KCNH8: variants seen among roughly 807,000 people sequenced by gnomAD.
The protein encoded by KCNH8 is potassium voltage-gated channel subfamily H member 8, also known as voltage-gated delayed rectifier potassium channel KCNH8.
A neutral mutation model predicts 103.6 loss-of-function variants in KCNH8; 70 were observed. The observed-to-expected ratio is 0.68, with a 90% confidence interval of 0.56 to 0.82. The LOEUF (loss-of-function observed/expected upper bound fraction) is 0.82, where lower values mean the gene tolerates loss of function less well. KCNH8 is among the 40% of genes least tolerant of loss of function. The pLI, the probability that KCNH8 is intolerant of heterozygous loss-of-function variation, is 0.00. For synonymous variants in KCNH8, 498 were observed against 489.4 expected (o/e 1.02, Z -0.23); for missense variants, 1,217 against 1,329.9 (o/e 0.92, Z 1.32).
chr3:19,356,696 A>G (rs1389336467), intron 5 of KCNH8, among the ~76,000 whole-genome samples: 1 of 151,954 alleles, frequency 6.6e-6, no homozygotes, highest in African/African-American at 2.4e-5. Context: ...ACAGTTGGAG[A>G]ACTGTGCATT....
At chr3:19,497,269 TTTC>T (rs1223785129) in intron 11 of KCNH8, among the ~76,000 whole-genome samples, 1 of 152,320 alleles carries the variant, frequency 6.6e-6, no homozygotes, top group East Asian at 1.9e-4. Flanking sequence ...ATTTTGGTTA[TTTC>T]TTATCTCCTG....
At chr3:19,410,747 TA>T (rs1348266064) in intron 7 of KCNH8, among the ~76,000 whole-genome samples, 1 of 151,488 alleles carries the variant, frequency 6.6e-6, no homozygotes, top group Non-Finnish European at 1.5e-5. Flanking sequence ...GGACACAAAC[TA>T]AAAATCTAGA....
At chr3:19,161,639 ATGT>A (rs1323698250) in intron 1 of KCNH8, among the ~76,000 whole-genome samples, 3 of 152,164 alleles carry the variant, frequency 2.0e-5, no homozygotes, top group Admixed American at 1.3e-4. Flanking sequence ...TTCTCTGTAA[ATGT>A]TGTTGTAAAT....
chr3:19,491,334 GCTCT>G (rs1043393943), intron 11 of KCNH8, among the ~76,000 whole-genome samples: 7 of 152,180 alleles, frequency 4.6e-5, no homozygotes, highest in Non-Finnish European at 8.8e-5. Flanking sequence ...CCCCTTCCCC[GCTCT>G]CTCTAGCAGT....
chr3:19,458,338 A>C (rs925976764), intron 11 of KCNH8, among the ~76,000 whole-genome samples: 1 of 151,958 alleles, frequency 6.6e-6, no homozygotes, highest in Non-Finnish European at 1.5e-5. Context: ...TTGAAAATCA[A>C]AGGTGAGTTA....
intron 1 of KCNH8, among the ~76,000 whole-genome samples, chr3:19,229,948 C>T (rs1055861773): frequency 2.0e-5 from 3 of 152,120 alleles, no homozygotes; most frequent in Admixed American, 6.5e-5. Flanking sequence ...TAAAGACATA[C>T]CTGAGACTGG....
intron 1 of KCNH8, among the ~76,000 whole-genome samples, chr3:19,182,933 G>C (rs1013857459): frequency 7.9e-5 from 12 of 152,140 alleles, no homozygotes; most frequent in African/African-American, 2.2e-4. Context: ...ATTTAGCAAA[G>C]GCTAAATGAC....
chr3:19,485,614 A>G (rs1559350965), intron 11 of KCNH8, among the ~76,000 whole-genome samples: 1 of 152,088 alleles, frequency 6.6e-6, no homozygotes, highest in Non-Finnish European at 1.5e-5. Flanking sequence ...TCCTTTTATT[A>G]CTTGCCCCCT....
chr3:19,500,359 C>T (rs1158480607), intron 11 of KCNH8, among the ~76,000 whole-genome samples: 2 of 152,116 alleles, frequency 1.3e-5, no homozygotes, highest in Non-Finnish European at 2.9e-5. Context: ...ACCCCACTGT[C>T]AACATTAGAC....
chr3:19,232,610 G>T (rs1366653073), intron 1 of KCNH8, among the ~76,000 whole-genome samples: 1 of 152,158 alleles, frequency 6.6e-6, no homozygotes, highest in African/African-American at 2.4e-5. Context: ...TCCTTGAGTG[G>T]ATCCTGGGGT....
intron 5 of KCNH8, among the ~76,000 whole-genome samples, chr3:19,351,349 G>A (rs193295784): frequency 6.6e-6 from 1 of 152,072 alleles, no homozygotes; most frequent in Non-Finnish European, 1.5e-5. Flanking sequence ...AACCTAGCAA[G>A]GCAGGCCAAC....
intron 11 of KCNH8, 117 bp downstream of exon 11, chr3:19,457,099 G>A (rs1387014330): frequency 2.8e-5 from 17 of 606,984 alleles, no homozygotes; most frequent in Non-Finnish European, 4.0e-5. Flanking sequence ...TATCTAAGAC[G>A]TGAATATTCA....
chr3:19,290,154 A>G (rs541503970), intron 3 of KCNH8, among the ~76,000 whole-genome samples: 3 of 152,210 alleles, frequency 2.0e-5, no homozygotes, highest in African/African-American at 4.8e-5. Flanking sequence ...GGGCTGAGAC[A>G]ATGGGGTTTT....
chr3:19,373,283 T>G (rs1380589972), intron 5 of KCNH8, among the ~76,000 whole-genome samples: 5 of 152,186 alleles, frequency 3.3e-5, no homozygotes, highest in Non-Finnish European at 5.9e-5. Context: ...TTGCCAGAAT[T>G]TCAGATCCTG....
At chr3:19,477,792 AT>A (rs2068007306) in intron 11 of KCNH8, among the ~76,000 whole-genome samples, 1 of 152,172 alleles carries the variant, frequency 6.6e-6, no homozygotes, top group African/African-American at 2.4e-5. Context: ...TATTATTTAC[AT>A]TTAGGAAATA....
intron 1 of KCNH8, among the ~76,000 whole-genome samples, chr3:19,157,820 T>C (rs1214232684): frequency 6.6e-6 from 1 of 151,888 alleles, no homozygotes; most frequent in Non-Finnish European, 1.5e-5. Context: ...TTTCCCTTTT[T>C]TGACATCTTT....
At chr3:19,353,881 C>A (rs907758529) in intron 5 of KCNH8, among the ~76,000 whole-genome samples, 1 of 152,050 alleles carries the variant, frequency 6.6e-6, no homozygotes, top group Non-Finnish European at 1.5e-5. Context: ...AAGTTCTGGC[C>A]AGGGCAATCA....
At chr3:19,177,968 C>T (rs1487505822) in intron 1 of KCNH8, among the ~76,000 whole-genome samples, 1 of 152,050 alleles carries the variant, frequency 6.6e-6, no homozygotes, top group Admixed American at 6.6e-5. Flanking sequence ...GAAGGTGATG[C>T]TTTGCTTCAC....
chr3:19,464,721 CAGGCACTTT>C (rs1355569741), intron 11 of KCNH8, among the ~76,000 whole-genome samples: 1 of 152,106 alleles, frequency 6.6e-6, no homozygotes, highest in African/African-American at 2.4e-5. Flanking sequence ...GGAAAACGAT[CAGGCACTTT>C]TCAAGTGGCT....
Sources: gnomAD v4.1 joint callset for allele counts (sites outside exome capture counted in the v4.1 genomes callset) on GRCh38, gnomAD v4.1.1 for gene constraint, MANE v1.5 for transcripts, NCBI Gene and HGNC (gene_info 2026-07-23, HGNC 2026-07-21) for gene names.